The following TBCD variants were observed in gnomAD, a reference collection of about 807,000 sequenced individuals.
TBCD encodes the protein tubulin folding cofactor D, also known as tubulin-specific chaperone D.
Under a neutral mutation model 169.3 loss-of-function variants are expected in TBCD, and 105 were observed. The ratio of observed to expected loss-of-function variants is 0.62; its 90% CI spans 0.53 to 0.73. TBCD has a LOEUF of 0.73. Among genes scored for constraint, TBCD ranks in the 30% least tolerant of loss-of-function variants. TBCD has a pLI of 0.00. For synonymous variants in TBCD, 700 were observed against 643.9 expected, an observed-to-expected ratio of 1.09 and a Z score of -1.32; for missense variants, 1,444 against 1,600.1, an observed-to-expected ratio of 0.90 and a Z score of 1.66.
In TBCD at chr17:82,752,280, GT is replaced by G; in HGVS notation, c.89del (p.Phe30SerfsTer33). Reference protein sequence around the residue: ...TLAFGAALEAFGESAETRALL... With the variant: ...TLAFGAALEAXGESAETRALL... ...TGGCCTTTGGCGCGGCGCTGGAAGCGTTCGGCGAGAGCGCGGAGACCCGGGC... is the reference window on the plus strand; with the variant it reads ...TGGCCTTTGGCGCGGCGCTGGAAGCGTCGGCGAGAGCGCGGAGACCCGGGC... On this transcript the variant is annotated frameshift_variant, in exon 1 of 39. Coordinates refer to ENST00000355528, the MANE Select transcript of TBCD (RefSeq NM_005993.5). LOFTEE classifies it high-confidence loss of function. 6.6e-7 allele frequency: 1 copy of G among 1,514,800 alleles called. No homozygotes were observed. The highest frequency in any genetic ancestry group is 8.8e-7 in the Non-Finnish European group (1 of 1,137,380). 93.8% of individuals were successfully genotyped at this position (1,514,800 alleles called of 1,614,324 possible).
At chr17:82,816,154 CAT>C (rs1436094216) in intron 13 of TBCD, among the ~76,000 whole-genome samples, 3 of 152,158 alleles carry the variant, frequency 2.0e-5, no homozygotes, top group African/African-American at 7.2e-5. Context: ...GAACCTACGA[CAT>C]GTGATCTTTG....
At chr17:82,812,895 C>A (rs778960435) in intron 12 of TBCD, among the ~76,000 whole-genome samples, 1 of 152,186 alleles carries the variant, frequency 6.6e-6, no homozygotes, top group Non-Finnish European at 1.5e-5. Flanking sequence ...TGATAGCTCA[C>A]TGCGGCCTCT....
chr17:82,814,894 G>A lies in TBCD; in HGVS notation c.1278G>A (p.Leu426=), dbSNP rs374216805. The part of the protein sequence containing the change: ...WHGGCLALAE[L]GRRGLLLPSR... Reference sequence around the variant, plus strand: ...GGGGATGTCTGGCGCTGGCAGAGCTGGGCAGGAGAGGCCTGTTGCTGCCGT... The same window carrying A: ...GGGGATGTCTGGCGCTGGCAGAGCTAGGCAGGAGAGGCCTGTTGCTGCCGT... Residue 426 remains leucine, a synonymous_variant, in exon 13 of 39, where the codon CTG becomes CTA. Coordinates refer to ENST00000355528, the MANE Select transcript of TBCD (RefSeq NM_005993.5). 3.1e-6 allele frequency: 5 copies of A among 1,613,332 alleles called. No individual in the cohort carries two copies. The Admixed American group carries it at 5.0e-5, about 16-fold the overall frequency.
rs890376459 is a variant in TBCD, at chr17:82,803,852, C to T, written c.951-2023C>T. 3.5e-4 allele frequency among the ~76,000 whole-genome samples: 48 copies of T among 137,818 alleles called. 1 individual carries two copies. The highest frequency in any genetic ancestry group is 3.1e-3 in the Admixed American group (43 of 13,770). 90.4% of individuals were successfully genotyped at this position (137,818 alleles called of 152,430 possible). On this transcript the variant is annotated intron_variant, in intron 9 of 38. Transcript: ENST00000355528. ...GAGGAGAATGGCGGCTGGGGTGCAC[C>T]GGTCTGTGGGGCGTTAGGGGAGACT...
At position 82,889,750 on chromosome 17, in the gene TBCD, GTAGGA is replaced by G; in HGVS notation, c.1563+54_1563+58del. ...CCAAAAACTTCCTGCGGGTTTATAGGTAGGAATCTTGAGAGCTATAACCCTGGTGT... is the reference window on the plus strand; with the variant it reads ...CCAAAAACTTCCTGCGGGTTTATAGGATCTTGAGAGCTATAACCCTGGTGT... On this transcript the variant is annotated intron_variant, in intron 16 of 38. Coordinates refer to ENST00000355528, the MANE Select transcript of TBCD (RefSeq NM_005993.5). The surrounding 1 kb of genome is among the most constrained non-coding windows in gnomAD (Gnocchi z 5.3). The G allele has an allele frequency of 6.2e-7, 1 of 1,605,240 alleles. No homozygotes were observed.
chr17:82,761,721 C>CTTCT lies in TBCD; in HGVS notation c.236-2242_236-2241insCTTT, dbSNP rs386386790. Among the ~76,000 whole-genome samples the CTTCT allele has an allele frequency of 1.6e-3, 228 of 145,444 alleles. 1 individual carries two copies. Among genetic ancestry groups the CTTCT allele is most frequent in the African/African-American group, 3.3e-3 (130 of 39,732 alleles). On this transcript the variant is annotated intron_variant, in intron 2 of 38. Coordinates refer to ENST00000355528, the MANE Select transcript of TBCD (RefSeq NM_005993.5). Reference sequence around the variant, plus strand: ...GCTGATAAATCACAATTTGTTTCTTCTTTTTTTTTTTTGAGATGGAGTCTT... The same window carrying CTTCT: ...GCTGATAAATCACAATTTGTTTCTTCTTCTTTTTTTTTTTTTGAGATGGAGTCTT...
At position 82,874,526 on chromosome 17, in the gene TBCD, T is replaced by C. The variant is rs2057827541; in HGVS notation, c.1475+4146T>C. On this transcript the variant is annotated intron_variant, in intron 14 of 38. Transcript: ENST00000355528. This position sits in a 1 kb window ranked among gnomAD's most constrained non-coding sequence, Gnocchi z 5.0. ...ACGCCTCAGCCTGGAGCTGGCGTTGTGCCCCTCGCCCCTTTACCTGTGCCA... is the reference window on the plus strand; with the variant it reads ...ACGCCTCAGCCTGGAGCTGGCGTTGCGCCCCTCGCCCCTTTACCTGTGCCA... 1.3e-5 allele frequency among the ~76,000 whole-genome samples: 2 copies of C among 152,270 alleles called. No homozygotes were observed. The highest frequency in any genetic ancestry group is 4.1e-4 in the South Asian group (2 of 4,824).
At chr17:82,852,143 C>T (rs1370126378) in intron 13 of TBCD, among the ~76,000 whole-genome samples, 1 of 136,680 alleles carries the variant, frequency 7.3e-6, no homozygotes, top group African/African-American at 2.6e-5. Context: ...CCAACCCCCC[C>T]GACAGATGGA....
chr17:82,936,927 G>C lies in TBCD; in HGVS notation c.3192-344G>C, dbSNP rs141643323. On this transcript the variant is annotated intron_variant, in intron 34 of 38. Coordinates refer to ENST00000355528, the MANE Select transcript of TBCD (RefSeq NM_005993.5). ...AGCCCAGGCCAGGTAGCCTCTGGAG[G>C]GAGTGGTGGAGGAGCACGGGCATCC... Among the ~76,000 whole-genome samples the C allele has an allele frequency of 4.4e-4, 67 of 152,348 alleles. No homozygotes were observed. In the East Asian group the frequency reaches 0.013, roughly 29 times the overall value.
At chr17:82,824,932 TAA>T (rs1005150674) in intron 13 of TBCD, among the ~76,000 whole-genome samples, 1 of 151,348 alleles carries the variant, frequency 6.6e-6, no homozygotes, top group Non-Finnish European at 1.5e-5. Context: ...AGTTAAAAAA[TAA>T]GTCTCTTTTT....
At chr17:82,863,012 C>T (rs765873291) in intron 13 of TBCD, among the ~76,000 whole-genome samples, 35 of 152,162 alleles carry the variant, frequency 2.3e-4, no homozygotes, top group East Asian at 1.9e-4. Flanking sequence ...GGAATGTAGC[C>T]GTCCGCCTTT....
intron 13 of TBCD, chr17:82,829,947 C>G: frequency 2.3e-6 from 2 of 884,754 alleles, no homozygotes; most frequent in Non-Finnish European, 3.4e-6. Flanking sequence ...AGTAGAAGCA[C>G]CTTTTAATAT....
intron 13 of TBCD, among the ~76,000 whole-genome samples, chr17:82,867,306 T>C (rs1482092170): frequency 6.6e-6 from 1 of 152,198 alleles, no homozygotes; most frequent in African/African-American, 2.4e-5. Context: ...CTCGCGGTTG[T>C]CTGTTGGGAG....
At chr17:82,787,957 C>T (rs929920612) in intron 7 of TBCD, among the ~76,000 whole-genome samples, 1 of 152,208 alleles carries the variant, frequency 6.6e-6, no homozygotes, top group African/African-American at 2.4e-5. Flanking sequence ...GGAAAATGGG[C>T]TGGGCACAGT....
At chr17:82,825,041 G>C (rs79226408) in intron 13 of TBCD, among the ~76,000 whole-genome samples, 1,543 of 152,200 alleles carry the variant, frequency 0.01, 32 homozygotes, top group African/African-American at 0.034. Context: ...TATTGCAGAT[G>C]ACCTTTGGAG....
intron 23 of TBCD, among the ~76,000 whole-genome samples, chr17:82,917,671 A>G (rs1183130536): frequency 6.6e-6 from 1 of 152,146 alleles, no homozygotes; most frequent in Admixed American, 6.5e-5. Context: ...GGGACGTAGG[A>G]GGGGTCCGTG....
rs983719310 is a variant in TBCD at position 82,908,604 on chromosome 17, G to T, written c.1984-681G>T. Among the ~76,000 whole-genome samples, 4 of 152,210 alleles carry T rather than the reference G, an allele frequency of 2.6e-5. No homozygotes were observed. The South Asian group carries it at 8.3e-4, about 32-fold the overall frequency. On this transcript the variant is annotated intron_variant, in intron 21 of 38. Coordinates refer to ENST00000355528, the MANE Select transcript of TBCD (RefSeq NM_005993.5). The stretch of plus-strand genomic sequence containing the variant: ...TAACTTTCATTATGATTTTGGCAAA[G>T]CCATTTTGTTTGCTTACATTTTTCA...
chr17:82,776,792 G>T (rs2048626816), intron 6 of TBCD, among the ~76,000 whole-genome samples: 2 of 152,278 alleles, frequency 1.3e-5, no homozygotes, highest in South Asian at 4.1e-4. Context: ...ACACCTGGTG[G>T]CTCTCAGCTG....
At chr17:82,936,026 G>A (rs950295331) in intron 34 of TBCD, among the ~76,000 whole-genome samples, 1 of 152,224 alleles carries the variant, frequency 6.6e-6, no homozygotes, top group Non-Finnish European at 1.5e-5. Context: ...CCTTGCTTCT[G>A]TTGTTGCTTT....
Sources: gnomAD v4.1 joint callset for allele counts (sites outside exome capture counted in the v4.1 genomes callset) on GRCh38, gnomAD v4.1.1 for gene constraint, Gnocchi (gnomAD v3.1) non-coding constraint, MANE v1.5 for transcripts, NCBI Gene and HGNC (gene_info 2026-07-23, HGNC 2026-07-21) for gene names.